GNAQ: variants seen among roughly 807,000 people sequenced by gnomAD.
GNAQ encodes G protein subunit alpha q, also known as guanine nucleotide-binding protein G(q) subunit alpha.
Under a neutral mutation model 43.9 loss-of-function variants are expected in GNAQ, and 8 were observed. That is an observed-to-expected ratio of 0.18 (90% CI 0.11 to 0.33). The LOEUF (loss-of-function observed/expected upper bound fraction) is 0.33. GNAQ is among the 10% of genes least tolerant of loss of function. The pLI, the probability that GNAQ is intolerant of heterozygous loss-of-function variation, is 1.00. For missense variants in GNAQ, 158 were observed against 450.8 expected (o/e 0.35, Z 5.88); for synonymous variants, 155 against 170.7 (o/e 0.91, Z 0.71).
At chr9:77,768,905 A>G (rs1826175797) in intron 5 of GNAQ, among the ~76,000 whole-genome samples, 1 of 152,222 alleles carries the variant, frequency 6.6e-6, no homozygotes, top group South Asian at 2.1e-4. Context: ...CTGACTGAGT[A>G]GTAAATTCTG....
At chr9:77,736,804 T>C (rs901971743) in intron 5 of GNAQ, among the ~76,000 whole-genome samples, 7 of 152,234 alleles carry the variant, frequency 4.6e-5, no homozygotes, top group African/African-American at 1.2e-4. Flanking sequence ...CCCTTTCCGA[T>C]GTGGAAGCCC....
Position 78,010,449 on chromosome 9 carries a change from G to A in GNAQ, c.136+20651C>T, listed in dbSNP as rs139667232. On this transcript the variant is annotated intron_variant, in intron 1 of 6. Transcript: ENST00000286548. ...TAATGTTCTCATCACTGAATTTAGA[G>A]GGGAACAGACTTAACGACAAATTGG... Among the ~76,000 whole-genome samples the A allele has an allele frequency of 2.6e-3, 389 of 152,256 alleles. 4 individuals are homozygous for A. The highest frequency in any genetic ancestry group is 9.1e-3 in the African/African-American group (377 of 41,548).
chr9:77,874,303 T>C (rs547187073), intron 2 of GNAQ, among the ~76,000 whole-genome samples: 1 of 152,228 alleles, frequency 6.6e-6, no homozygotes, highest in African/African-American at 2.4e-5. Flanking sequence ...CTGGTCCAAC[T>C]TGTCTTCTAT....
At chr9:77,748,227 TG>T (rs1438471062) in intron 5 of GNAQ, among the ~76,000 whole-genome samples, 5 of 152,256 alleles carry the variant, frequency 3.3e-5, no homozygotes, top group Middle Eastern at 3.2e-3. Flanking sequence ...ATTCATCTTT[TG>T]TTTAAATCTA....
intron 1 of GNAQ, among the ~76,000 whole-genome samples, chr9:77,964,569 G>C (rs1374951054): frequency 6.6e-6 from 1 of 152,018 alleles, no homozygotes; most frequent in East Asian, 1.9e-4. Context: ...AATTTTAGAA[G>C]AGTCATATAA....
Position 77,981,771 on chromosome 9 carries a change from G to A in GNAQ, c.136+49329C>T, listed in dbSNP as rs932403314. ...AGAACTCATTAACCAGGTGTTCTTCGCAGCTCCAGAACTCATCTTCCCATA... is the reference window on the plus strand; with the variant it reads ...AGAACTCATTAACCAGGTGTTCTTCACAGCTCCAGAACTCATCTTCCCATA... On this transcript the variant is annotated intron_variant, in intron 1 of 6. Coordinates refer to ENST00000286548, the MANE Select transcript of GNAQ (RefSeq NM_002072.5). Among the ~76,000 whole-genome samples the A allele has an allele frequency of 9.9e-5, 15 of 152,160 alleles. 1 individual carries two copies. The highest frequency in any genetic ancestry group is 1.3e-4 in the Admixed American group (2 of 15,290).
chr9:77,794,445 T>G lies in GNAQ; in HGVS notation c.735+18A>C. On this transcript the variant is annotated intron_variant, in intron 5 of 6. Transcript: ENST00000286548. The stretch of plus-strand genomic sequence containing the variant: ...GATAATAAAATGATAATCCATTGCC[T>G]GTCTAAAGAACACTTACCTCATTGT... 1 of 1,546,238 alleles carries G rather than the reference T, an allele frequency of 6.5e-7. No homozygotes were observed. Among genetic ancestry groups the G allele is most frequent in the Non-Finnish European group, 8.8e-7 (1 of 1,132,232 alleles).
intron 3 of GNAQ, among the ~76,000 whole-genome samples, chr9:77,808,746 G>A (rs750297095): frequency 4.6e-5 from 7 of 152,016 alleles, no homozygotes; most frequent in Admixed American, 1.3e-4. Flanking sequence ...GGAAAGTGAC[G>A]CTTAGTCAAT....
chr9:77,819,611 A>AT (rs148297032), intron 2 of GNAQ, among the ~76,000 whole-genome samples: 2,222 of 152,224 alleles, frequency 0.015, 48 homozygotes, highest in African/African-American at 0.051. Context: ...GTCTGAAGGG[A>AT]TGCCCAACAC....
At chr9:77,897,287 T>C (rs908107270) in intron 2 of GNAQ, among the ~76,000 whole-genome samples, 1 of 152,228 alleles carries the variant, frequency 6.6e-6, no homozygotes. Flanking sequence ...TGAAGCTCTA[T>C]TGAATGTTTT....
chr9:77,776,228 G>A (rs1344886033), intron 5 of GNAQ, among the ~76,000 whole-genome samples: 1 of 152,316 alleles, frequency 6.6e-6, no homozygotes. Flanking sequence ...CACAGTAGCT[G>A]TGAAAACCAA....
At chr9:77,735,643 A>T (rs1235690381) in intron 5 of GNAQ, among the ~76,000 whole-genome samples, 1 of 152,208 alleles carries the variant, frequency 6.6e-6, no homozygotes, top group South Asian at 2.1e-4. Context: ...CGCTTTGAGA[A>T]TTCAAAACAC....
At chr9:77,799,829 G>T (rs945776302) in intron 3 of GNAQ, among the ~76,000 whole-genome samples, 7 of 152,172 alleles carry the variant, frequency 4.6e-5, no homozygotes, top group African/African-American at 7.2e-5. Flanking sequence ...TGATTCTCTA[G>T]CTGGCAATCA....
At chr9:77,776,670 T>C (rs889720570) in intron 5 of GNAQ, among the ~76,000 whole-genome samples, 3 of 152,144 alleles carry the variant, frequency 2.0e-5, no homozygotes, top group African/African-American at 7.2e-5. Context: ...TTCAATAATG[T>C]ATAGAACAAA....
chr9:78,014,266 C>T (rs923737810), intron 1 of GNAQ, among the ~76,000 whole-genome samples: 1 of 151,986 alleles, frequency 6.6e-6, no homozygotes, highest in African/African-American at 2.4e-5. Context: ...CATCATACAT[C>T]AAGTGTAACA....
chr9:78,008,600 AT>A (rs1823734958), intron 1 of GNAQ, among the ~76,000 whole-genome samples: 1 of 146,160 alleles, frequency 6.8e-6, no homozygotes, highest in Non-Finnish European at 1.5e-5. Context: ...ATTTCATTTC[AT>A]TTCATTTCAT....
intron 5 of GNAQ, among the ~76,000 whole-genome samples, chr9:77,745,806 T>TA (rs1167683251): frequency 6.6e-6 from 1 of 151,976 alleles, no homozygotes; most frequent in Non-Finnish European, 1.5e-5. Context: ...TAAAAGACGT[T>TA]ATAGTAACAG....
chr9:77,938,634 A>G (rs1394248463), intron 1 of GNAQ, among the ~76,000 whole-genome samples: 1 of 152,194 alleles, frequency 6.6e-6, no homozygotes, highest in Non-Finnish European at 1.5e-5. Flanking sequence ...AGTGAGAGAA[A>G]GAGGAGACCA....
At position 77,802,374 on chromosome 9, in the gene GNAQ, T is replaced by TAGCATGGTA. The variant is rs1256274552; in HGVS notation, c.477-4735_477-4727dup. 3.3e-5 allele frequency among the ~76,000 whole-genome samples: 5 copies of TAGCATGGTA among 152,078 alleles called. No individual in the cohort carries two copies. In the East Asian group the frequency reaches 5.8e-4, roughly 18 times the overall value. On this transcript the variant is annotated intron_variant, in intron 3 of 6. Transcript: ENST00000286548. ...CTTTGTTCCCCTAGAAATGGAGTTC[T>TAGCATGGTA]AGCATGGTAAGAGTAGAACATCATC...
Sources: gnomAD v4.1 joint callset for allele counts (sites outside exome capture counted in the v4.1 genomes callset) on GRCh38, gnomAD v4.1.1 for gene constraint, MANE v1.5 for transcripts, NCBI Gene and HGNC (gene_info 2026-07-23, HGNC 2026-07-21) for gene names.